Variants in NOTCH2NLC observed in about 807,000 individuals in gnomAD.
NOTCH2NLC encodes the protein notch homolog 2 N-terminal-like protein C.
In NOTCH2NLC, 4 loss-of-function variants were observed where a neutral mutation model predicts 17.7. The ratio of observed to expected loss-of-function variants is 0.23; its 90% CI spans 0.11 to 0.52. The LOEUF (loss-of-function observed/expected upper bound fraction) is 0.52. Among genes scored for constraint, NOTCH2NLC ranks in the 20% least tolerant of loss-of-function variants. NOTCH2NLC has a pLI of 0.96. For synonymous variants in NOTCH2NLC, 18 were observed against 86.0 expected, an observed-to-expected ratio of 0.21 and a Z score of 4.38; for missense variants, 57 against 207.2, an observed-to-expected ratio of 0.28 and a Z score of 4.45.
intron 1 of NOTCH2NLC, among the ~76,000 whole-genome samples, chr1:149,413,832 G>C: frequency 6.6e-6 from 1 of 151,290 alleles, no homozygotes; most frequent in South Asian, 2.1e-4. Flanking sequence ...CCAGGCTGTA[G>C]ATTTTCAGCA....
Position 149,467,427 on chromosome 1 carries a change from G to A in NOTCH2NLC, c.*3274G>A, listed in dbSNP as rs1158970931. The A allele has an allele frequency of 3.5e-5, 5 of 144,690 alleles. No homozygotes were observed. The highest frequency in any genetic ancestry group is 1.3e-4 in the African/African-American group (5 of 39,484). 9.0% of individuals were successfully genotyped at this position (144,690 alleles called of 1,614,324 possible). On this transcript the variant is annotated 3_prime_UTR_variant, in exon 5 of 5. Coordinates refer to ENST00000650865, the MANE Select transcript of NOTCH2NLC (RefSeq NM_001364013.2). ...AGGGAATTAAAACTACAAAAATGAC[G>A]CGTCTTGTATGACACAGAAAGAAAT...
intron 1 of NOTCH2NLC, among the ~76,000 whole-genome samples, chr1:149,408,549 A>T (rs1186759306): frequency 2.0e-5 from 3 of 150,756 alleles, no homozygotes; most frequent in African/African-American, 7.3e-5. Flanking sequence ...TTTTACACAT[A>T]CACCCACAAG....
chr1:149,466,085 C>T lies in NOTCH2NLC; in HGVS notation c.*1932C>T, dbSNP rs1272961200. On this transcript the variant is annotated 3_prime_UTR_variant, in exon 5 of 5. Coordinates refer to ENST00000650865, the MANE Select transcript of NOTCH2NLC (RefSeq NM_001364013.2). ...AGCCTTTGCTTTGTGCATCTTACTG[C>T]GCCACATTGCACTGCACATCTGCTT... is the stretch of plus-strand genomic sequence containing the variant. The T allele has an allele frequency of 1.0e-4, 7 of 68,024 alleles. No individual in the cohort carries two copies. The highest frequency in any genetic ancestry group is 6.2e-4 in the South Asian group (1 of 1,624). The allele number at this position is 68,024 out of a possible 1,614,324, so 4.2% of individuals were successfully genotyped here.
chr1:149,437,196 T>C (rs2084487377), intron 2 of NOTCH2NLC, among the ~76,000 whole-genome samples: 1 of 144,068 alleles, frequency 6.9e-6, no homozygotes, highest in Non-Finnish European at 1.5e-5. Context: ...GCTGGGACCA[T>C]GGTGAGGCAA....
intron 3 of NOTCH2NLC, among the ~76,000 whole-genome samples, chr1:149,457,730 C>G (rs1231083352): frequency 7.5e-6 from 1 of 133,260 alleles, no homozygotes; most frequent in Non-Finnish European, 1.6e-5. Flanking sequence ...GGAGGCTAGG[C>G]CAGTCTCGCT....
At chr1:149,413,660 G>C (rs2084312011) in intron 1 of NOTCH2NLC, among the ~76,000 whole-genome samples, 1 of 151,012 alleles carries the variant, frequency 6.6e-6, no homozygotes, top group South Asian at 2.1e-4. Context: ...TCCTCATTTT[G>C]TTCCTGCTGA....
At chr1:149,460,322 A>T (rs2084634885) in intron 3 of NOTCH2NLC, among the ~76,000 whole-genome samples, 2 of 139,890 alleles carry the variant, frequency 1.4e-5, no homozygotes, top group African/African-American at 2.6e-5. Flanking sequence ...GTTCTGCAAG[A>T]TTCTGATCAC....
intron 2 of NOTCH2NLC, among the ~76,000 whole-genome samples, chr1:149,454,648 A>T: frequency 6.6e-6 from 1 of 151,178 alleles, no homozygotes. Context: ...GCCTACTTAA[A>T]TATTAACAGA....
chr1:149,429,273 T>C (rs1299775965), intron 1 of NOTCH2NLC, among the ~76,000 whole-genome samples: 1 of 150,700 alleles, frequency 6.6e-6, no homozygotes, highest in Non-Finnish European at 1.5e-5. Context: ...AGGCCACTTA[T>C]TCTCTCTGGC....
In NOTCH2NLC at chr1:149,415,120, CCTT is replaced by C. The variant is rs1198723799; in HGVS notation, c.136-15821_136-15819del. Among the ~76,000 whole-genome samples the C allele has an allele frequency of 3.6e-5, 4 of 111,116 alleles. No homozygotes were observed. The Admixed American group carries it at 4.0e-4, about 11-fold the overall frequency. 72.9% of individuals were successfully genotyped at this position (111,116 alleles called of 152,430 possible). A position where few individuals can be genotyped will look rare whatever the true frequency, so the allele number is the denominator to read the frequency against. The stretch of plus-strand genomic sequence containing the variant: ...CTAGAGTTAGGGCTTGGTAAAGGCT[CCTT>C]TTTTTTTTTTTTTTTTTGAAGTCTT... On this transcript the variant is annotated intron_variant, in intron 1 of 4. Transcript: ENST00000650865.
chr1:149,460,969 TCTCA>T (rs1184595399), intron 3 of NOTCH2NLC, among the ~76,000 whole-genome samples: 11 of 145,170 alleles, frequency 7.6e-5, no homozygotes, highest in Non-Finnish European at 9.1e-5. Context: ...CTTTCTTTCT[TCTCA>T]CTCTGTTGCT....
Position 149,471,644 on chromosome 1 carries a change from G to A in NOTCH2NLC, c.*7491G>A, listed in dbSNP as rs2084720875. On this transcript the variant is annotated 3_prime_UTR_variant, in exon 5 of 5. Coordinates refer to ENST00000650865, the MANE Select transcript of NOTCH2NLC (RefSeq NM_001364013.2). ...AGAAGTGGGGAATTGGAGAGTGACT[G>A]CCCATAGGTACAGGCATGCTTTTTG... Among the ~76,000 whole-genome samples the A allele has an allele frequency of 6.7e-6, 1 of 149,792 alleles. No homozygotes were observed. Among genetic ancestry groups the A allele is most frequent in the Non-Finnish European group, 1.5e-5 (1 of 67,246 alleles).
intron 1 of NOTCH2NLC, among the ~76,000 whole-genome samples, chr1:149,393,069 CAAAAAAAAAAAAAA>C (rs1158506660): frequency 1.9e-4 from 8 of 43,072 alleles, no homozygotes; most frequent in African/African-American, 6.6e-4. Context: ...GACTCCGTCT[CAAAAAAAAAAAAAA>C]AAAAAAAAAA....
intron 1 of NOTCH2NLC, among the ~76,000 whole-genome samples, chr1:149,396,664 A>AC (rs2084209748): frequency 6.8e-6 from 1 of 147,232 alleles, no homozygotes; most frequent in African/African-American, 2.5e-5. Flanking sequence ...ACCTCCCTGC[A>AC]CAGGTGGGCA....
At chr1:149,392,685 A>G (rs1441689583) in intron 1 of NOTCH2NLC, among the ~76,000 whole-genome samples, 1 of 151,390 alleles carries the variant, frequency 6.6e-6, no homozygotes, top group Non-Finnish European at 1.5e-5. Flanking sequence ...TCTTCATGAT[A>G]TGTAGTCTCT....
intron 1 of NOTCH2NLC, among the ~76,000 whole-genome samples, chr1:149,425,531 G>C (rs1380550397): frequency 6.6e-6 from 1 of 150,994 alleles, no homozygotes; most frequent in African/African-American, 2.4e-5. Flanking sequence ...TGGAAGGCCA[G>C]CATGGGAGCC....
chr1:149,433,333 G>A (rs2084463859), intron 2 of NOTCH2NLC, among the ~76,000 whole-genome samples: 1 of 142,468 alleles, frequency 7.0e-6, no homozygotes, highest in Non-Finnish European at 1.6e-5. Flanking sequence ...AATGCACGTG[G>A]GGCTTAAAAC....
chr1:149,449,322 G>A (rs1466517419), intron 2 of NOTCH2NLC, among the ~76,000 whole-genome samples: 3 of 149,790 alleles, frequency 2.0e-5, no homozygotes, highest in Non-Finnish European at 4.5e-5. Context: ...TAAGTACTTA[G>A]AAAATATGTT....
At position 149,412,836 on chromosome 1, in the gene NOTCH2NLC, G is replaced by A. The variant is rs1348747680; in HGVS notation, c.136-18106G>A. 1.4e-5 allele frequency among the ~76,000 whole-genome samples: 2 copies of A among 142,812 alleles called. 1 individual carries two copies. Among genetic ancestry groups the A allele is most frequent in the Non-Finnish European group, 3.1e-5 (2 of 65,366 alleles). The allele number at this position is 142,812 out of a possible 152,430, so 93.7% of individuals were successfully genotyped here. On this transcript the variant is annotated intron_variant, in intron 1 of 4. Coordinates refer to ENST00000650865, the MANE Select transcript of NOTCH2NLC (RefSeq NM_001364013.2). ...TCAAAAAAAAAAAAAAAAAAACCAA[G>A]GTAAAGTAATTTTTCAAGAGCACAA...
Sources: gnomAD v4.1 joint callset for allele counts (sites outside exome capture counted in the v4.1 genomes callset) on GRCh38, gnomAD v4.1.1 for gene constraint, MANE v1.5 for transcripts, NCBI Gene and HGNC (gene_info 2026-07-23, HGNC 2026-07-21) for gene names.